RUNX1: variants seen among roughly 807,000 people sequenced by gnomAD.
The protein encoded by RUNX1 is runt-related transcription factor 1.
Under a neutral mutation model 42.8 loss-of-function variants are expected in RUNX1, and 19 were observed. The observed-to-expected ratio is 0.44, with a 90% CI of 0.31 to 0.65. RUNX1 has a LOEUF of 0.65. Among genes scored for constraint, RUNX1 ranks in the 30% least tolerant of loss-of-function variants. The pLI, the probability that RUNX1 is intolerant of heterozygous loss-of-function variation, is 0.07. For missense variants in RUNX1, 528 were observed against 672.0 expected (o/e 0.79, Z 2.37); for synonymous variants, 271 against 289.4 (o/e 0.94, Z 0.64).
At chr21:34,852,856 T>C (rs951457477) in intron 6 of RUNX1, among the ~76,000 whole-genome samples, 38 of 152,212 alleles carry the variant, frequency 2.5e-4, no homozygotes, top group Admixed American at 2.4e-3. Flanking sequence ...GAAAATACGC[T>C]TGAAGCAATT....
intron 2 of RUNX1, among the ~76,000 whole-genome samples, chr21:34,921,208 C>T (rs952939485): frequency 3.5e-4 from 54 of 152,172 alleles, no homozygotes; most frequent in Non-Finnish European, 5.3e-4. Context: ...CACTGTTGTG[C>T]AGCCATCACC....
intron 2 of RUNX1, among the ~76,000 whole-genome samples, chr21:34,999,455 C>T (rs1227444050): frequency 6.6e-6 from 1 of 152,216 alleles, no homozygotes; most frequent in African/African-American, 2.4e-5. Context: ...ACCTGGGAGA[C>T]CTGCGCTTCC....
At chr21:35,006,181 T>C (rs958030930) in intron 2 of RUNX1, among the ~76,000 whole-genome samples, 1 of 152,176 alleles carries the variant, frequency 6.6e-6, no homozygotes, top group Non-Finnish European at 1.5e-5. Context: ...TGTGGAGTTG[T>C]TGTATGCATT....
chr21:34,798,307 C>T (rs1249716065), intron 8 of RUNX1, among the ~76,000 whole-genome samples: 1 of 152,170 alleles, frequency 6.6e-6, no homozygotes. Context: ...TTTCAAAGCC[C>T]CAAACACTAA....
intron 8 of RUNX1, among the ~76,000 whole-genome samples, chr21:34,795,621 G>A (rs1844624525): frequency 1.3e-5 from 2 of 152,082 alleles, no homozygotes; most frequent in Admixed American, 6.6e-5. Context: ...CGTTGTAAAC[G>A]GACAGTGGTT....
At chr21:34,982,339 G>A (rs1029861150) in intron 2 of RUNX1, among the ~76,000 whole-genome samples, 1 of 151,754 alleles carries the variant, frequency 6.6e-6, no homozygotes, top group African/African-American at 2.4e-5. Context: ...GTTGATGAAG[G>A]GGTAGCTCTT....
intron 7 of RUNX1, among the ~76,000 whole-genome samples, chr21:34,809,071 A>G (rs1437483313): frequency 6.6e-6 from 1 of 152,046 alleles, no homozygotes; most frequent in Non-Finnish European, 1.5e-5. Context: ...TCTTTTCCAT[A>G]AGGATCTTCT....
chr21:34,943,582 G>T (rs1282386220), intron 2 of RUNX1, among the ~76,000 whole-genome samples: 1 of 152,160 alleles, frequency 6.6e-6, no homozygotes, highest in African/African-American at 2.4e-5. Flanking sequence ...CTTGGGGAGG[G>T]AACATGGAGT....
At chr21:34,804,916 T>C (rs2056658601) in intron 7 of RUNX1, among the ~76,000 whole-genome samples, 1 of 151,660 alleles carries the variant, frequency 6.6e-6, no homozygotes, top group East Asian at 1.9e-4. Context: ...TATTTTTTCT[T>C]TTTTTTTGTA....
intron 2 of RUNX1, among the ~76,000 whole-genome samples, chr21:34,944,363 T>A (rs775591733): frequency 6.6e-6 from 1 of 152,216 alleles, no homozygotes; most frequent in Non-Finnish European, 1.5e-5. Flanking sequence ...AACTAGAGAA[T>A]TCCCCTGAAT....
chr21:34,922,388 T>C (rs1427876735), intron 2 of RUNX1, among the ~76,000 whole-genome samples: 3 of 152,146 alleles, frequency 2.0e-5, no homozygotes, highest in Non-Finnish European at 2.9e-5. Context: ...TTTTATGAGG[T>C]AGGTACTTTA....
rs1332221135 is a variant in RUNX1 at position 34,791,955 on chromosome 21, C to A, written c.*180G>T. ...GACGGCGGCGGCGTGGGCTTCTGGG[C>A]GCAGGAGGCTGCGCGGGCCTGACCT... On this transcript the variant is annotated 3_prime_UTR_variant, in exon 9 of 9. Coordinates refer to ENST00000675419, the MANE Select transcript of RUNX1 (RefSeq NM_001754.5). 1.0e-5 allele frequency: 4 copies of A among 399,972 alleles called. No individual in the cohort carries two copies. The East Asian group carries it at 1.5e-4, about 15-fold the overall frequency. The allele number at this position is 399,972 out of a possible 1,614,324, so 24.8% of individuals were successfully genotyped here.
intron 2 of RUNX1, among the ~76,000 whole-genome samples, chr21:34,947,123 T>A (rs190464977): frequency 5.3e-4 from 80 of 152,352 alleles, no homozygotes; most frequent in Non-Finnish European, 8.7e-4. Flanking sequence ...TCCCTGGCTT[T>A]GCATGTGTCA....
At chr21:35,033,212 C>G (rs946476315) in intron 2 of RUNX1, among the ~76,000 whole-genome samples, 2 of 152,178 alleles carry the variant, frequency 1.3e-5, no homozygotes, top group Admixed American at 1.3e-4. Context: ...CAAATTCTGC[C>G]AGTTTCTGTT....
chr21:35,044,237 C>T (rs1408907053), intron 2 of RUNX1, among the ~76,000 whole-genome samples: 3 of 152,150 alleles, frequency 2.0e-5, no homozygotes, highest in African/African-American at 7.2e-5. Context: ...CGGCCTAGAC[C>T]ACTCTTCCTT....
chr21:34,798,698 T>C (rs1004130665), intron 8 of RUNX1, among the ~76,000 whole-genome samples: 73 of 152,284 alleles, frequency 4.8e-4, no homozygotes, highest in Admixed American at 8.5e-4. Context: ...AGTATTTACA[T>C]AGCATTTACA....
chr21:34,824,366 T>C (rs1277731671), intron 7 of RUNX1, among the ~76,000 whole-genome samples: 1 of 152,214 alleles, frequency 6.6e-6, no homozygotes, highest in Non-Finnish European at 1.5e-5. Flanking sequence ...GTGAGTTCTA[T>C]ACTATTTTTC....
At chr21:34,819,395 C>T (rs2056876383) in intron 7 of RUNX1, among the ~76,000 whole-genome samples, 1 of 152,218 alleles carries the variant, frequency 6.6e-6, no homozygotes, top group Non-Finnish European at 1.5e-5. Flanking sequence ...TGCCATGCTC[C>T]AGTCCCTCTT....
chr21:34,814,854 G>A (rs1207848574), intron 7 of RUNX1, among the ~76,000 whole-genome samples: 1 of 152,074 alleles, frequency 6.6e-6, no homozygotes, highest in Non-Finnish European at 1.5e-5. Context: ...TCTTTGCTCT[G>A]TTTTTCAACA....
Sources: gnomAD v4.1 joint callset for allele counts (sites outside exome capture counted in the v4.1 genomes callset) on GRCh38, gnomAD v4.1.1 for gene constraint, MANE v1.5 for transcripts, NCBI Gene and HGNC (gene_info 2026-07-23, HGNC 2026-07-21) for gene names.